The following RNF220 variants were observed in gnomAD, a reference collection of about 807,000 sequenced individuals.
The protein encoded by RNF220 is ring finger protein 220.
Under a neutral mutation model 67.1 loss-of-function variants are expected in RNF220, and 7 were observed. The observed-to-expected ratio is 0.10, with a 90% CI of 0.06 to 0.20. The LOEUF (loss-of-function observed/expected upper bound fraction) is 0.20, where lower values mean the gene tolerates loss of function less well. RNF220 is among the 10% of genes least tolerant of loss of function. The pLI is 1.00. For synonymous variants in RNF220, 270 were observed against 283.2 expected (o/e 0.95, Z 0.47); for missense variants, 565 against 740.3 (o/e 0.76, Z 2.75).
chr1:44,590,642 T>C (rs949865360), intron 2 of RNF220, among the ~76,000 whole-genome samples: 9 of 152,238 alleles, frequency 5.9e-5, no homozygotes, highest in Non-Finnish European at 1.0e-4. Flanking sequence ...TGCCCAGTGC[T>C]ATTACTCAGG....
At chr1:44,598,363 T>C (rs1572996959) in intron 2 of RNF220, among the ~76,000 whole-genome samples, 1 of 152,204 alleles carries the variant, frequency 6.6e-6, no homozygotes, top group East Asian at 1.9e-4. Flanking sequence ...ATAGCCCATC[T>C]TGGTTCCTGA....
intron 2 of RNF220, among the ~76,000 whole-genome samples, chr1:44,508,282 C>T (rs1418364090): frequency 6.6e-6 from 1 of 151,998 alleles, no homozygotes; most frequent in Non-Finnish European, 1.5e-5. Context: ...CCCTGAGGTC[C>T]CATCTGTGTA....
chr1:44,566,022 A>G (rs1663978321), intron 2 of RNF220, among the ~76,000 whole-genome samples: 1 of 152,212 alleles, frequency 6.6e-6, no homozygotes, highest in Non-Finnish European at 1.5e-5. Flanking sequence ...CACGCTGCCC[A>G]TAAATCTGCT....
chr1:44,542,012 C>T (rs1480439795), intron 2 of RNF220, among the ~76,000 whole-genome samples: 1 of 152,168 alleles, frequency 6.6e-6, no homozygotes, highest in Non-Finnish European at 1.5e-5. Flanking sequence ...TGGGCTTGAC[C>T]TAACTAAGCC....
chr1:44,471,024 C>T (rs1037292715), intron 2 of RNF220, among the ~76,000 whole-genome samples: 2 of 152,024 alleles, frequency 1.3e-5, no homozygotes, highest in Non-Finnish European at 2.9e-5. Flanking sequence ...CTCAGGCATT[C>T]GAGGCTGCAG....
intron 2 of RNF220, among the ~76,000 whole-genome samples, chr1:44,511,371 A>G (rs566123597): frequency 1.3e-5 from 2 of 152,308 alleles, no homozygotes; most frequent in South Asian, 4.1e-4. Context: ...ATGTTTAGCA[A>G]TATATTGAGG....
At position 44,478,141 on chromosome 1, in the gene RNF220, G is replaced by A. The variant is rs565497753; in HGVS notation, c.625+65419G>A. Among the ~76,000 whole-genome samples the A allele has an allele frequency of 1.0e-3, 159 of 152,086 alleles. 2 individuals are homozygous for A. In the Middle Eastern group the frequency reaches 0.034, roughly 33 times the overall value. ...TTACAAGGTATGCACCACCACACCC[G>A]GCTAATTTTTATATTTTTAGTAGAG... On this transcript the variant is annotated intron_variant, in intron 2 of 14. Transcript: ENST00000361799.
At chr1:44,562,443 C>T (rs1198434617) in intron 2 of RNF220, among the ~76,000 whole-genome samples, 1 of 152,216 alleles carries the variant, frequency 6.6e-6, no homozygotes, top group Non-Finnish European at 1.5e-5. Context: ...CTCCCTCCCT[C>T]TGCCTCGCTG....
intron 3 of RNF220, among the ~76,000 whole-genome samples, chr1:44,616,586 C>G (rs1325117692): frequency 6.6e-6 from 1 of 152,086 alleles, no homozygotes; most frequent in African/African-American, 2.4e-5. Context: ...TAATCACTCC[C>G]CATCCCTACC....
intron 2 of RNF220, among the ~76,000 whole-genome samples, chr1:44,555,214 C>T (rs968630527): frequency 1.3e-5 from 2 of 152,072 alleles, no homozygotes; most frequent in Non-Finnish European, 2.9e-5. Context: ...ACCACAGGCA[C>T]ACGACACCAC....
chr1:44,517,814 T>C (rs967498412), intron 2 of RNF220, among the ~76,000 whole-genome samples: 1 of 152,242 alleles, frequency 6.6e-6, no homozygotes, highest in African/African-American at 2.4e-5. Flanking sequence ...TGGATTTAAA[T>C]CCGCCTCTAG....
chr1:44,454,038 A>C (rs1339036675), intron 2 of RNF220, among the ~76,000 whole-genome samples: 2 of 152,192 alleles, frequency 1.3e-5, no homozygotes, highest in Non-Finnish European at 2.9e-5. Flanking sequence ...AGAGAATGAG[A>C]GGGAAAGAGT....
chr1:44,411,489 A>G (rs928634730), intron 1 of RNF220, among the ~76,000 whole-genome samples: 2 of 152,162 alleles, frequency 1.3e-5, no homozygotes, highest in African/African-American at 4.8e-5. Context: ...ATGAACTTGA[A>G]TTAGGGATAT....
chr1:44,448,743 C>T (rs1314804890), intron 2 of RNF220, among the ~76,000 whole-genome samples: 4 of 152,150 alleles, frequency 2.6e-5, no homozygotes, highest in South Asian at 2.1e-4. Context: ...ATGCTTCCAA[C>T]GTAATTGAGA....
chr1:44,405,478 T>G lies in RNF220; in HGVS notation c.-170T>G, dbSNP rs1647248087. ...TCATGCACCACACTCTCCGCCTGCT[T>G]CCCTCCGTGTCCTGAAAAGTGCGAC... On this transcript the variant is annotated 5_prime_UTR_variant, in exon 1 of 15. Transcript: ENST00000361799. 3 of 508,860 alleles carry G rather than the reference T, an allele frequency of 5.9e-6. No homozygotes were observed. Among genetic ancestry groups the G allele is most frequent in the Admixed American group, 3.7e-5 (1 of 27,254 alleles). 31.5% of individuals were successfully genotyped at this position (508,860 alleles called of 1,614,324 possible).
rs150807647 is a variant in RNF220 at position 44,497,971 on chromosome 1, G to A, written c.625+85249G>A. Among the ~76,000 whole-genome samples, 74 of 152,306 alleles carry A rather than the reference G, an allele frequency of 4.9e-4. No homozygotes were observed. In the East Asian group the frequency reaches 7.9e-3, roughly 16 times the overall value. On this transcript the variant is annotated intron_variant, in intron 2 of 14. Transcript: ENST00000361799. ...CTTGGAAAGCTGCTTGTGCTTCCAC[G>A]TTAAGCAAAAACCAGTGGGGAAAAG...
At chr1:44,534,828 C>G (rs958436404) in intron 2 of RNF220, among the ~76,000 whole-genome samples, 1 of 152,178 alleles carries the variant, frequency 6.6e-6, no homozygotes, top group African/African-American at 2.4e-5. Flanking sequence ...CATTACGTCT[C>G]TAGTCATTTG....
intron 2 of RNF220, among the ~76,000 whole-genome samples, chr1:44,493,781 C>G (rs538313225): frequency 7.9e-5 from 12 of 152,042 alleles, no homozygotes; most frequent in Non-Finnish European, 4.4e-5. Flanking sequence ...TTGAGACCAG[C>G]CTGGGCAACA....
chr1:44,585,332 C>T (rs576666678), intron 2 of RNF220, among the ~76,000 whole-genome samples: 2 of 152,208 alleles, frequency 1.3e-5, no homozygotes, highest in African/African-American at 4.8e-5. Context: ...GGAGCTCCAA[C>T]TCTCTTTCAT....
Sources: gnomAD v4.1 joint callset for allele counts (sites outside exome capture counted in the v4.1 genomes callset) on GRCh38, gnomAD v4.1.1 for gene constraint, MANE v1.5 for transcripts, NCBI Gene and HGNC (gene_info 2026-07-23, HGNC 2026-07-21) for gene names.